The following SEMA6A variants were observed in gnomAD, a reference collection of about 807,000 sequenced individuals.
SEMA6A encodes semaphorin 6A, also known as semaphorin-6A.
SEMA6A carries 25 observed loss-of-function variants against 96.8 expected under a neutral mutation model. That is an observed-to-expected ratio of 0.26 (90% CI 0.19 to 0.36). The LOEUF (loss-of-function observed/expected upper bound fraction) is 0.36. SEMA6A is among the 10% of genes least tolerant of loss of function. The probability of loss-of-function intolerance (pLI) is 1.00; values close to 1 mark genes in which losing one functional copy is unlikely to be tolerated. For synonymous variants in SEMA6A, 612 were observed against 518.0 expected (o/e 1.18, Z -2.46); for missense variants, 1,363 against 1,323.1 (o/e 1.03, Z -0.47).
chr5:116,514,174 G>A (rs1394109829), intron 1 of SEMA6A, among the ~76,000 whole-genome samples: 2 of 152,130 alleles, frequency 1.3e-5, no homozygotes, highest in African/African-American at 4.8e-5. Flanking sequence ...TGGGTCGAAT[G>A]GTATTTCTGC....
intron 16 of SEMA6A, among the ~76,000 whole-genome samples, chr5:116,474,940 A>G (rs1185838670): frequency 6.6e-6 from 1 of 152,170 alleles, no homozygotes; most frequent in Non-Finnish European, 1.5e-5. Context: ...CCTTTACGTA[A>G]AGTTCTAACT....
intron 10 of SEMA6A, 80 bp from the exon 11 acceptor site, chr5:116,482,655 T>G: frequency 7.0e-7 from 1 of 1,426,366 alleles, no homozygotes. Context: ...AGAGAAACTT[T>G]CCTGGTACAG....
At position 116,536,867 on chromosome 5, in the gene SEMA6A, A is replaced by T. The variant is rs993992981; in HGVS notation, c.-38-31885T>A. On this transcript the variant is annotated intron_variant, in intron 1 of 18. Coordinates refer to ENST00000343348, the MANE Select transcript of SEMA6A (RefSeq NM_020796.5). ...TTATTCAGTCCCCGTGTGATTTCTT[A>T]AAAAAAAAAAAAAAAAAAAAAAAAA... Among the ~76,000 whole-genome samples the T allele has an allele frequency of 9.1e-3, 513 of 56,350 alleles. 5 individuals are homozygous for T. Among genetic ancestry groups the T allele is most frequent in the Non-Finnish European group, 0.012 (371 of 30,382 alleles). The allele number at this position is 56,350 out of a possible 152,430, so 37.0% of individuals were successfully genotyped here.
Position 116,467,744 on chromosome 5 carries a change from T to G in SEMA6A, c.1733A>C (p.His578Pro). 1 of 1,613,646 alleles carries G rather than the reference T, an allele frequency of 6.2e-7. No homozygotes were observed. The highest frequency in any genetic ancestry group is 8.5e-7 in the Non-Finnish European group (1 of 1,179,760). Residue 578 changes from histidine (H) to proline (P), a missense_variant, in exon 18 of 19, where the codon CAT becomes CCT. Transcript: ENST00000343348. Reference protein sequence around the residue: ...CHNSFVALNGHSSSLLPSTTT... With the variant: ...CHNSFVALNGPSSSLLPSTTT... Reference sequence around the variant, plus strand: ...TGTGCTGGGCAAGAGGGAACTGGAATGCCCTGTTTTCATCACAAATACAGT... The same window carrying G: ...TGTGCTGGGCAAGAGGGAACTGGAAGGCCCTGTTTTCATCACAAATACAGT...
chr5:116,485,349 A>C (rs1476855772), intron 10 of SEMA6A, among the ~76,000 whole-genome samples: 2 of 152,204 alleles, frequency 1.3e-5, no homozygotes, highest in African/African-American at 4.8e-5. Flanking sequence ...TAGCCCCTGC[A>C]TTTCCATGTG....
chr5:116,466,554 C>G (rs1020030298), intron 18 of SEMA6A, among the ~76,000 whole-genome samples: 2 of 151,948 alleles, frequency 1.3e-5, no homozygotes, highest in African/African-American at 4.8e-5. Flanking sequence ...AGATGAGAAG[C>G]AAAAAAGCAG....
At chr5:116,480,400 G>T in intron 11 of SEMA6A, 123 bp from the exon 12 acceptor site, 12 of 1,186,974 alleles carry the variant, frequency 1.0e-5, no homozygotes, top group Non-Finnish European at 1.4e-5. Flanking sequence ...CTGAGAGGAG[G>T]AAGTTGAACA....
intron 3 of SEMA6A, among the ~76,000 whole-genome samples, chr5:116,500,914 G>A (rs1403931990): frequency 1.3e-5 from 2 of 152,168 alleles, no homozygotes; most frequent in African/African-American, 2.4e-5. Flanking sequence ...GCTGAGGCAG[G>A]AGAATTGCTT....
At chr5:116,461,460 T>A (rs1420557311) in intron 18 of SEMA6A, among the ~76,000 whole-genome samples, 2 of 142,410 alleles carry the variant, frequency 1.4e-5, no homozygotes, top group Non-Finnish European at 3.1e-5. Flanking sequence ...AGTATGAGTT[T>A]TTTTTTTCTT....
intron 1 of SEMA6A, among the ~76,000 whole-genome samples, chr5:116,507,844 C>G (rs1758221252): frequency 6.6e-6 from 1 of 152,128 alleles, no homozygotes; most frequent in Non-Finnish European, 1.5e-5. Context: ...GTGAAATGGC[C>G]TTTGTAAAAC....
intron 1 of SEMA6A, among the ~76,000 whole-genome samples, chr5:116,559,390 T>C (rs1276337215): frequency 1.3e-5 from 2 of 152,078 alleles, no homozygotes; most frequent in Admixed American, 6.5e-5. Flanking sequence ...CCCCTGGAGA[T>C]TGAGAGGGGC....
intron 1 of SEMA6A, among the ~76,000 whole-genome samples, chr5:116,508,864 G>A (rs896379487): frequency 6.6e-6 from 1 of 152,132 alleles, no homozygotes; most frequent in Non-Finnish European, 1.5e-5. Flanking sequence ...AAGGTTCTGA[G>A]GGAACCTTTA....
At chr5:116,550,772 A>G (rs190620048) in intron 1 of SEMA6A, 1 of 152,326 alleles carries the variant, frequency 6.6e-6, no homozygotes, top group East Asian at 1.9e-4. Flanking sequence ...AATCTTACAC[A>G]TAAGGAACAT....
chr5:116,543,867 CT>C (rs968005541), intron 1 of SEMA6A, among the ~76,000 whole-genome samples: 16 of 152,324 alleles, frequency 1.1e-4, no homozygotes, highest in African/African-American at 3.8e-4. Flanking sequence ...GCACGTTTTA[CT>C]TTTACAGTAG....
At chr5:116,478,395 CT>C in intron 13 of SEMA6A, 146 bp downstream of exon 13, 1 of 914,556 alleles carries the variant, frequency 1.1e-6, no homozygotes, top group Non-Finnish European at 1.6e-6. Context: ...GAAAATAATG[CT>C]TTTTAGGTGT....
chr5:116,562,955 C>T, intron 1 of SEMA6A: 3 of 581,710 alleles, frequency 5.2e-6, no homozygotes, highest in Non-Finnish European at 6.6e-6. Flanking sequence ...GAGGACGTCC[C>T]CCCCATCCTC....
Position 116,467,713 on chromosome 5 carries a change from T to A in SEMA6A, c.1764A>T (p.Thr588=). Residue 588 remains threonine, a synonymous_variant, in exon 18 of 19, where the codon ACA becomes ACT. Transcript: ENST00000343348. The part of the protein sequence containing the change: ...HSSSLLPSTT[T]SDSTAQEGYE... ...ACCCCTCTTGAGCCGTCGAATCTGA[T>A]GTGGTTGTGCTGGGCAAGAGGGAAC... The A allele has an allele frequency of 6.2e-7, 1 of 1,613,788 alleles. No homozygotes were observed. Among genetic ancestry groups the A allele is most frequent in the Non-Finnish European group, 8.5e-7 (1 of 1,179,818 alleles).
chr5:116,487,068 G>T (rs971499741), intron 9 of SEMA6A, 102 bp from the exon 10 acceptor site: 2 of 731,358 alleles, frequency 2.7e-6, no homozygotes, highest in African/African-American at 1.8e-5. Context: ...ACAACAAGGT[G>T]CTTAATACTG....
At chr5:116,467,889 G>C in intron 17 of SEMA6A, 142 bp from the exon 18 acceptor site, 1 of 602,666 alleles carries the variant, frequency 1.7e-6, no homozygotes, top group Non-Finnish European at 2.8e-6. Context: ...CTTAGTGGTG[G>C]TGGTGGTGGT....
Sources: allele counts gnomAD v4.1 joint callset (sites outside exome capture counted in the v4.1 genomes callset), GRCh38; gene constraint gnomAD v4.1.1; transcripts MANE v1.5; gene names NCBI Gene and HGNC (gene_info 2026-07-23, HGNC 2026-07-21).